The following MIR2052HG variants were observed in gnomAD, a reference collection of about 807,000 sequenced individuals.
MIR2052HG encodes MIR2052 host gene.
chr8:74,651,397 G>C (rs888746408), intron 2 of MIR2052HG, among the ~76,000 whole-genome samples: 1 of 152,050 alleles, frequency 6.6e-6, no homozygotes. Context: ...ATTCTTCTGT[G>C]AGTAAAAGTA....
chr8:74,662,166 T>C (rs1037241113), intron 2 of MIR2052HG, among the ~76,000 whole-genome samples: 17 of 152,116 alleles, frequency 1.1e-4, no homozygotes, highest in African/African-American at 3.9e-4. Context: ...GCAGGGCTCT[T>C]AGAATCTAGA....
At chr8:74,656,865 A>G (rs766935256) in intron 2 of MIR2052HG, among the ~76,000 whole-genome samples, 1 of 152,210 alleles carries the variant, frequency 6.6e-6, no homozygotes, top group Non-Finnish European at 1.5e-5. Context: ...AAAAGAAGGA[A>G]TGTTTAGGGA....
At chr8:74,676,173 A>C (rs1809048900) in intron 2 of MIR2052HG, among the ~76,000 whole-genome samples, 1 of 152,082 alleles carries the variant, frequency 6.6e-6, no homozygotes. Context: ...TTAACTGCCA[A>C]CAGATTTTAC....
At chr8:74,673,379 T>C (rs1809013846) in intron 2 of MIR2052HG, among the ~76,000 whole-genome samples, 1 of 152,058 alleles carries the variant, frequency 6.6e-6, no homozygotes, top group African/African-American at 2.4e-5. Flanking sequence ...GCCCATCTTC[T>C]CAGCTGATTC....
At chr8:74,684,466 G>A (rs1382382155) in intron 2 of MIR2052HG, among the ~76,000 whole-genome samples, 1 of 151,996 alleles carries the variant, frequency 6.6e-6, no homozygotes, top group African/African-American at 2.4e-5. Context: ...GGAGAGGGAA[G>A]GGGAAGAAAA....
At chr8:74,678,728 C>T (rs1464349403) in intron 2 of MIR2052HG, among the ~76,000 whole-genome samples, 1 of 151,096 alleles carries the variant, frequency 6.6e-6, no homozygotes, top group African/African-American at 2.4e-5. Flanking sequence ...AACACAAGGA[C>T]AATAATATAA....
chr8:74,600,668 C>T (rs967072293), intron 1 of MIR2052HG, among the ~76,000 whole-genome samples: 27 of 151,980 alleles, frequency 1.8e-4, no homozygotes, highest in East Asian at 1.6e-3. Flanking sequence ...CTCTGCCTCC[C>T]GGGTTCAAGT....
intron 2 of MIR2052HG, among the ~76,000 whole-genome samples, chr8:74,648,670 C>A (rs184736344): frequency 6.6e-6 from 1 of 151,908 alleles, no homozygotes; most frequent in Non-Finnish European, 1.5e-5. Context: ...TCAGACTGGC[C>A]GACACTTAGG....
intron 2 of MIR2052HG, among the ~76,000 whole-genome samples, chr8:74,633,631 T>C (rs764876868): frequency 1.3e-5 from 2 of 152,236 alleles, no homozygotes; most frequent in African/African-American, 2.4e-5. Context: ...CTAGGCTCAA[T>C]GTACTACTAG....
chr8:74,746,636 AT>A (rs1267449465), intron 4 of MIR2052HG, among the ~76,000 whole-genome samples: 11 of 150,478 alleles, frequency 7.3e-5, no homozygotes, highest in African/African-American at 2.7e-4. Flanking sequence ...GAATATTTAC[AT>A]TTGGCCTTGC....
At chr8:74,752,117 G>A (rs987093556) in intron 4 of MIR2052HG, among the ~76,000 whole-genome samples, 1 of 151,520 alleles carries the variant, frequency 6.6e-6, no homozygotes, top group African/African-American at 2.4e-5. Context: ...CCCCATTTCT[G>A]CAAAAAATTT....
At chr8:74,753,869 A>G (rs149040689) in intron 5 of MIR2052HG, among the ~76,000 whole-genome samples, 1 of 152,324 alleles carries the variant, frequency 6.6e-6, no homozygotes, top group East Asian at 1.9e-4. Context: ...TCCATTCACC[A>G]ATAAATTTAT....
intron 2 of MIR2052HG, among the ~76,000 whole-genome samples, chr8:74,700,156 ACAATGG>A (rs1809344097): frequency 2.0e-5 from 3 of 152,198 alleles, no homozygotes; most frequent in African/African-American, 7.2e-5. Flanking sequence ...ATATAGATAG[ACAATGG>A]TGGAGCTTAA....
chr8:74,695,181 C>A (rs1418788577), intron 2 of MIR2052HG, among the ~76,000 whole-genome samples: 1 of 152,096 alleles, frequency 6.6e-6, no homozygotes, highest in Non-Finnish European at 1.5e-5. Flanking sequence ...AAACGATAAA[C>A]AGCCATGAAT....
chr8:74,648,082 G>GCCAAA (rs1808712513), intron 2 of MIR2052HG, among the ~76,000 whole-genome samples: 1 of 152,160 alleles, frequency 6.6e-6, no homozygotes, highest in Non-Finnish European at 1.5e-5. Context: ...ATGTCTGACT[G>GCCAAA]CCTTCAGGTT....
chr8:74,722,330 A>G (rs1317416212), intron 4 of MIR2052HG, among the ~76,000 whole-genome samples: 1 of 152,228 alleles, frequency 6.6e-6, no homozygotes, highest in Non-Finnish European at 1.5e-5. Flanking sequence ...CAGAAATCAC[A>G]TATTATAATA....
At chr8:74,755,552 A>G (rs2128757149) in intron 5 of MIR2052HG, among the ~76,000 whole-genome samples, 1 of 152,358 alleles carries the variant, frequency 6.6e-6, no homozygotes, top group Middle Eastern at 3.4e-3. Flanking sequence ...CTCAACATCA[A>G]ACAGTTAATG....
chr8:74,672,697 G>A (rs909333807), intron 2 of MIR2052HG, among the ~76,000 whole-genome samples: 5 of 151,964 alleles, frequency 3.3e-5, no homozygotes, highest in Non-Finnish European at 7.4e-5. Flanking sequence ...TATCACAGAA[G>A]GTCCTTTTAG....
At chr8:74,606,015 T>A (rs1586885634) in intron 1 of MIR2052HG, among the ~76,000 whole-genome samples, 1 of 152,152 alleles carries the variant, frequency 6.6e-6, no homozygotes, top group East Asian at 1.9e-4. Context: ...TCTTTTACAC[T>A]TTGGTTCAGA....
Sources: gnomAD v4.1 joint callset for allele counts (sites outside exome capture counted in the v4.1 genomes callset) on GRCh38, gnomAD v4.1.1 for gene constraint, MANE v1.5 for transcripts, NCBI Gene and HGNC (gene_info 2026-07-23, HGNC 2026-07-21) for gene names.